Variants in LMF1 observed in about 807,000 individuals in gnomAD.
LMF1 encodes the protein transmembrane protein 112.
In LMF1, 68 loss-of-function variants were observed where a neutral mutation model predicts 60.6. That is an observed-to-expected ratio of 1.12 (90% CI 0.92 to 1.37). LMF1 has a LOEUF of 1.37. Ranked by LOEUF, LMF1 falls within the 40% of genes most tolerant of loss-of-function variation. LMF1 has a pLI of 0.00. For missense variants in LMF1, 948 were observed against 767.2 expected (o/e 1.24, Z -2.78); for synonymous variants, 418 against 324.7 (o/e 1.29, Z -3.09).
At chr16:879,446 G>A in intron 6 of LMF1, 124 bp downstream of exon 6, 2 of 1,161,896 alleles carry the variant, frequency 1.7e-6, no homozygotes, top group Non-Finnish European at 1.2e-6. Flanking sequence ...GGGGAGGACA[G>A]GCTGTCCCCA....
intron 3 of LMF1, among the ~76,000 whole-genome samples, chr16:919,888 C>G (rs1187367290): frequency 6.6e-6 from 1 of 152,172 alleles, no homozygotes; most frequent in African/African-American, 2.4e-5. Flanking sequence ...CCGGGACCCC[C>G]TTCCTCCGAG....
intron 3 of LMF1, among the ~76,000 whole-genome samples, chr16:926,609 C>A (rs1828017453): frequency 6.6e-6 from 1 of 152,218 alleles, no homozygotes; most frequent in African/African-American, 2.4e-5. Flanking sequence ...AGACTACCCT[C>A]AAAACAAGCG....
At chr16:942,309 C>T (rs2072120871) in intron 2 of LMF1, among the ~76,000 whole-genome samples, 1 of 152,214 alleles carries the variant, frequency 6.6e-6, no homozygotes, top group Non-Finnish European at 1.5e-5. Flanking sequence ...CGTCTTTTTC[C>T]TTCCAGGTGC....
intron 3 of LMF1, among the ~76,000 whole-genome samples, chr16:918,900 C>T (rs1379234670): frequency 5.7e-5 from 7 of 121,810 alleles, no homozygotes; most frequent in Non-Finnish European, 1.2e-4. Context: ...GACTCTCAGC[C>T]AGTCCTGGGG....
At chr16:975,671 C>T, upstream of LMF1, 1 of 391,494 alleles carries the variant, frequency 2.6e-6, no homozygotes, top group Non-Finnish European at 5.0e-6. Flanking sequence ...GCTCCCTGCT[C>T]CCACTTTGCC....
intron 3 of LMF1, among the ~76,000 whole-genome samples, chr16:932,619 T>C (rs1005108000): frequency 6.6e-6 from 1 of 152,198 alleles, no homozygotes; most frequent in African/African-American, 2.4e-5. Context: ...TGATAGGGTC[T>C]TGCTATGTTG....
chr16:935,571 T>TA (rs10674839), intron 2 of LMF1, among the ~76,000 whole-genome samples: 6,990 of 142,138 alleles, frequency 0.049, 231 homozygotes, highest in Non-Finnish European at 0.071. Flanking sequence ...GCTGATGAGC[T>TA]AAAAAAAAAA....
intron 5 of LMF1, among the ~76,000 whole-genome samples, chr16:886,494 C>A (rs1211755700): frequency 6.6e-6 from 1 of 152,010 alleles, no homozygotes; most frequent in East Asian, 1.9e-4. Context: ...CAAAACCACC[C>A]TGCAGCGGGC....
chr16:863,928 G>C (rs1396833749), intron 10 of LMF1, among the ~76,000 whole-genome samples: 1 of 152,224 alleles, frequency 6.6e-6, no homozygotes, highest in African/African-American at 2.4e-5. Flanking sequence ...ATGTCATTCA[G>C]TGCAATGGGT....
intron 4 of LMF1, among the ~76,000 whole-genome samples, chr16:905,415 C>T (rs192135266): frequency 6.6e-6 from 1 of 152,326 alleles, no homozygotes; most frequent in East Asian, 1.9e-4. Context: ...TTCTGCACTG[C>T]CGTTCTTGTG....
intron 6 of LMF1, among the ~76,000 whole-genome samples, chr16:876,076 C>G (rs1477794476): frequency 1.3e-5 from 2 of 152,256 alleles, no homozygotes; most frequent in Non-Finnish European, 2.9e-5. Flanking sequence ...CACAACCCTC[C>G]TTGTGCGCCC....
chr16:964,904 A>C (rs1298873988), intron 1 of LMF1, among the ~76,000 whole-genome samples: 1 of 152,236 alleles, frequency 6.6e-6, no homozygotes, highest in African/African-American at 2.4e-5. Context: ...AAACTGCCCC[A>C]CGCGGAAAAG....
At chr16:855,536 G>A in intron 10 of LMF1, 2 of 365,198 alleles carry the variant, frequency 5.5e-6, no homozygotes, top group South Asian at 4.1e-5. Flanking sequence ...TTGCTCGGCT[G>A]CCCCGGAGGA....
intron 6 of LMF1, among the ~76,000 whole-genome samples, chr16:876,339 A>C (rs1258581431): frequency 6.6e-6 from 1 of 152,130 alleles, no homozygotes; most frequent in East Asian, 1.9e-4. Flanking sequence ...GGCGGGGCAC[A>C]GAGAACTTCC....
At chr16:868,905 G>T (rs2069689681) in intron 10 of LMF1, 39 bp downstream of exon 10, 3 of 1,324,106 alleles carry the variant, frequency 2.3e-6, no homozygotes, top group Non-Finnish European at 3.2e-6. Context: ...ACCTGGATTT[G>T]GGGGAGACCC....
chr16:952,150 G>C (rs1179444863), intron 2 of LMF1, among the ~76,000 whole-genome samples: 1 of 152,156 alleles, frequency 6.6e-6, no homozygotes, highest in East Asian at 1.9e-4. Context: ...TGGTGACACT[G>C]TCTGGCCTGC....
intron 10 of LMF1, chr16:855,784 C>T: frequency 6.6e-6 from 3 of 456,020 alleles, no homozygotes; most frequent in South Asian, 4.6e-5. Context: ...TGCACCAGGG[C>T]CCGGTAGCGA....
At chr16:978,270 T>C (rs950329244) in intron 1 of LMF1, among the ~76,000 whole-genome samples, 4 of 145,162 alleles carry the variant, frequency 2.8e-5, no homozygotes, top group African/African-American at 1.0e-4. Flanking sequence ...ATACACACTA[T>C]ACACGCACCA....
chr16:868,856 G>T, intron 10 of LMF1, 88 bp downstream of exon 10: 1 of 863,080 alleles, frequency 1.2e-6, no homozygotes, highest in Non-Finnish European at 1.9e-6. Context: ...CCCGTGAGCA[G>T]GTGGGGGTGC....
Sources: gnomAD v4.1 joint callset for allele counts (sites outside exome capture counted in the v4.1 genomes callset) on GRCh38, gnomAD v4.1.1 for gene constraint, MANE v1.5 for transcripts, NCBI Gene and HGNC (gene_info 2026-07-23, HGNC 2026-07-21) for gene names.